The following RAB38 variants were observed in gnomAD, a reference collection of about 807,000 sequenced individuals.
The protein encoded by RAB38 is RAB38, member RAS oncogene family, also known as ras-related protein Rab-38.
A neutral mutation model predicts 18.4 loss-of-function variants in RAB38; 15 were observed. The ratio of observed to expected loss-of-function variants is 0.82; its 90% CI spans 0.55 to 1.26. The LOEUF (loss-of-function observed/expected upper bound fraction) is 1.26, where lower values mean the gene tolerates loss of function less well. RAB38 is among the 50% of genes most tolerant of loss of function. The probability of loss-of-function intolerance (pLI) is 0.00; values close to 1 mark genes in which losing one functional copy is unlikely to be tolerated. For missense variants in RAB38, 294 were observed against 267.4 expected, an observed-to-expected ratio of 1.10 and a Z score of -0.69; for synonymous variants, 101 against 104.4, an observed-to-expected ratio of 0.97 and a Z score of 0.20.
chr11:88,020,949 C>CATTA, the RAB38 span, among the ~76,000 whole-genome samples: 1 of 151,828 alleles, frequency 6.6e-6, no homozygotes, highest in Admixed American at 6.6e-5. Context: ...ACAACAAAAG[C>CATTA]AGTATTAAGA....
chr11:87,814,694 C>T, the RAB38 span, among the ~76,000 whole-genome samples: 1 of 151,926 alleles, frequency 6.6e-6, no homozygotes, highest in Admixed American at 6.6e-5. Context: ...TTGAATTATA[C>T]TACAAGGGCA....
chr11:88,153,473 C>T (rs1417441037), intron 1 of RAB38, among the ~76,000 whole-genome samples: 4 of 152,228 alleles, frequency 2.6e-5, no homozygotes, highest in Non-Finnish European at 5.9e-5. Flanking sequence ...GCCCTTGGCT[C>T]TGCCCCTCCT....
the RAB38 span, among the ~76,000 whole-genome samples, chr11:87,925,668 A>G: frequency 1.6e-4 from 24 of 152,180 alleles, no homozygotes; most frequent in African/African-American, 5.1e-4. Flanking sequence ...ACAAGTCCCA[A>G]GAGGTGATCT....
At chr11:88,068,902 C>T in the RAB38 span, among the ~76,000 whole-genome samples, 2 of 152,352 alleles carry the variant, frequency 1.3e-5, no homozygotes, top group South Asian at 4.1e-4. Context: ...TGCTGGCGGC[C>T]CTTGCTTGCT....
intron 2 of RAB38, among the ~76,000 whole-genome samples, chr11:88,137,405 G>C (rs1386915470): frequency 3.3e-5 from 5 of 151,880 alleles, no homozygotes; most frequent in African/African-American, 9.7e-5. Flanking sequence ...CACATTCTTA[G>C]GATTTTTGAA....
At chr11:88,051,563 T>C in the RAB38 span, among the ~76,000 whole-genome samples, 19 of 151,176 alleles carry the variant, frequency 1.3e-4, no homozygotes, top group Admixed American at 7.9e-4. Context: ...ACATTTTGTA[T>C]GCTGTTTAAA....
At chr11:88,011,700 A>G in the RAB38 span, among the ~76,000 whole-genome samples, 1 of 152,166 alleles carries the variant, frequency 6.6e-6, no homozygotes, top group Non-Finnish European at 1.5e-5. Context: ...TCTTTTTTAT[A>G]AATTATGTCC....
the RAB38 span, among the ~76,000 whole-genome samples, chr11:87,886,602 A>G: frequency 1.3e-5 from 2 of 151,958 alleles, no homozygotes; most frequent in Non-Finnish European, 2.9e-5. Flanking sequence ...ACCCGTGGCT[A>G]TCAAGGTCAG....
At chr11:87,845,498 A>T in the RAB38 span, among the ~76,000 whole-genome samples, 1 of 152,138 alleles carries the variant, frequency 6.6e-6, no homozygotes, top group African/African-American at 2.4e-5. Flanking sequence ...TATGATAGTG[A>T]AAATAACAGG....
chr11:87,875,861 T>C, the RAB38 span, among the ~76,000 whole-genome samples: 2 of 151,662 alleles, frequency 1.3e-5, no homozygotes, highest in African/African-American at 4.8e-5. Context: ...TTAGTTCTAA[T>C]AATTTGTGGA....
the RAB38 span, among the ~76,000 whole-genome samples, chr11:88,006,757 A>G: frequency 6.6e-6 from 1 of 151,424 alleles, no homozygotes; most frequent in Non-Finnish European, 1.5e-5. Context: ...TCACAGAAAG[A>G]CAAATATCAC....
the RAB38 span, among the ~76,000 whole-genome samples, chr11:87,908,592 T>C: frequency 6.6e-6 from 1 of 152,062 alleles, no homozygotes; most frequent in South Asian, 2.1e-4. Context: ...ATTGTTCTTA[T>C]GTTTGTGACT....
At chr11:87,963,436 A>T in the RAB38 span, among the ~76,000 whole-genome samples, 2 of 152,146 alleles carry the variant, frequency 1.3e-5, no homozygotes, top group African/African-American at 2.4e-5. Context: ...CAGTTCTAAG[A>T]TACCTTAAAT....
At chr11:88,047,084 C>T in the RAB38 span, among the ~76,000 whole-genome samples, 1 of 152,184 alleles carries the variant, frequency 6.6e-6, no homozygotes, top group Admixed American at 6.5e-5. Flanking sequence ...CTTAAAATCA[C>T]AAACTGTGCT....
the RAB38 span, among the ~76,000 whole-genome samples, chr11:87,959,323 A>G: frequency 6.6e-6 from 1 of 152,200 alleles, no homozygotes; most frequent in African/African-American, 2.4e-5. Flanking sequence ...AGCTAAGACT[A>G]TTACCTTATG....
the RAB38 span, among the ~76,000 whole-genome samples, chr11:87,901,848 T>C: frequency 3.3e-5 from 5 of 151,546 alleles, no homozygotes; most frequent in South Asian, 2.1e-4. Context: ...ACTGCCTTAA[T>C]GTTATAGACT....
the RAB38 span, among the ~76,000 whole-genome samples, chr11:87,938,500 C>A: frequency 0.23 from 34,767 of 151,790 alleles, 4,379 homozygotes; most frequent in South Asian, 0.38. Context: ...TTCCCACTTG[C>A]GTTAACTGCT....
the RAB38 span, among the ~76,000 whole-genome samples, chr11:88,004,317 G>C: frequency 1.3e-5 from 2 of 150,928 alleles, no homozygotes; most frequent in African/African-American, 2.4e-5. Context: ...TCCTACGAAT[G>C]CAAGTTTGAT....
the RAB38 span, among the ~76,000 whole-genome samples, chr11:87,970,676 C>A: frequency 1.3e-5 from 2 of 152,156 alleles, no homozygotes; most frequent in East Asian, 3.9e-4. Flanking sequence ...CTGACATTCT[C>A]CAGGTAGTTG....
Sources: gnomAD v4.1 joint callset for allele counts (sites outside exome capture counted in the v4.1 genomes callset) on GRCh38, gnomAD v4.1.1 for gene constraint, MANE v1.5 for transcripts, NCBI Gene and HGNC (gene_info 2026-07-23, HGNC 2026-07-21) for gene names.